The following ROBO1 variants were observed in gnomAD, a reference collection of about 807,000 sequenced individuals.
ROBO1 encodes roundabout homolog 1.
In ROBO1, 149 loss-of-function variants were observed where a neutral mutation model predicts 195.9. The ratio of observed to expected loss-of-function variants is 0.76; its 90% CI spans 0.67 to 0.87. The LOEUF is 0.87. ROBO1 is among the 40% of genes least tolerant of loss of function. The pLI is 0.00. For synonymous variants in ROBO1, 816 were observed against 733.2 expected (o/e 1.11, Z -1.82); for missense variants, 1,933 against 2,068.3 (o/e 0.93, Z 1.27).
intron 1 of ROBO1, among the ~76,000 whole-genome samples, chr3:79,613,484 G>C (rs988218880): frequency 6.6e-6 from 1 of 151,804 alleles, no homozygotes; most frequent in Non-Finnish European, 1.5e-5. Flanking sequence ...AAGAATAAGG[G>C]ACAAAAGCTA....
At chr3:79,213,809 C>A (rs2082005317) in intron 2 of ROBO1, among the ~76,000 whole-genome samples, 1 of 141,962 alleles carries the variant, frequency 7.0e-6, no homozygotes, top group Middle Eastern at 3.6e-3. Context: ...AAATAACTCT[C>A]CCCTTTCTTT....
chr3:79,665,299 GT>G (rs1946444151), intron 1 of ROBO1, among the ~76,000 whole-genome samples: 1 of 151,648 alleles, frequency 6.6e-6, no homozygotes, highest in Non-Finnish European at 1.5e-5. Context: ...TTAATACTTG[GT>G]TTTGATATGG....
chr3:79,655,340 A>G (rs1328424929), intron 1 of ROBO1, among the ~76,000 whole-genome samples: 1 of 152,016 alleles, frequency 6.6e-6, no homozygotes, highest in Non-Finnish European at 1.5e-5. Context: ...ATGGCATACC[A>G]CTGTTAAGCA....
chr3:78,836,519 A>AAAAAAAG (rs2032740209), intron 4 of ROBO1, among the ~76,000 whole-genome samples: 1 of 151,700 alleles, frequency 6.6e-6, no homozygotes, highest in Non-Finnish European at 1.5e-5. Flanking sequence ...CTCCAAAAAA[A>AAAAAAAG]AAAATTATTC....
At chr3:78,624,221 T>C (rs1575794416) in intron 26 of ROBO1, among the ~76,000 whole-genome samples, 2 of 152,276 alleles carry the variant, frequency 1.3e-5, no homozygotes, top group Middle Eastern at 6.8e-3. Flanking sequence ...TTTATTGAGG[T>C]CTTCACAGTG....
At chr3:79,252,655 G>A (rs1036529992) in intron 2 of ROBO1, among the ~76,000 whole-genome samples, 15 of 152,076 alleles carry the variant, frequency 9.9e-5, no homozygotes, top group African/African-American at 3.6e-4. Flanking sequence ...ATAGCAGCCA[G>A]CATTTATTCA....
chr3:79,014,092 T>G (rs1413192065), intron 3 of ROBO1, among the ~76,000 whole-genome samples: 1 of 152,232 alleles, frequency 6.6e-6, no homozygotes, highest in Non-Finnish European at 1.5e-5. Flanking sequence ...TTGCTTTTTT[T>G]GTTGTTTTAA....
At chr3:79,600,837 A>C (rs922749898) in intron 1 of ROBO1, among the ~76,000 whole-genome samples, 2 of 152,032 alleles carry the variant, frequency 1.3e-5, no homozygotes, top group African/African-American at 4.8e-5. Context: ...AAAAACATGA[A>C]TATACCAAAA....
At chr3:79,675,156 T>C (rs1946747674) in intron 1 of ROBO1, among the ~76,000 whole-genome samples, 1 of 151,920 alleles carries the variant, frequency 6.6e-6, no homozygotes, top group South Asian at 2.1e-4. Context: ...GTGCATTTGG[T>C]CATTAGAATA....
At chr3:79,720,849 G>A (rs1431891843) in intron 1 of ROBO1, among the ~76,000 whole-genome samples, 1 of 149,854 alleles carries the variant, frequency 6.7e-6, no homozygotes, top group Non-Finnish European at 1.5e-5. Flanking sequence ...CTGGAGTGCA[G>A]TGGTGCGATC....
intron 4 of ROBO1, among the ~76,000 whole-genome samples, chr3:78,933,897 A>G (rs2039663595): frequency 6.6e-6 from 1 of 152,032 alleles, no homozygotes; most frequent in Non-Finnish European, 1.5e-5. Flanking sequence ...CCACATGATC[A>G]ATTTCAAGAT....
chr3:79,408,241 A>AT (rs1473946471), intron 2 of ROBO1, among the ~76,000 whole-genome samples: 4 of 151,704 alleles, frequency 2.6e-5, no homozygotes, highest in East Asian at 1.9e-4. Context: ...AAAATAAAAA[A>AT]AATTAAAAAA....
intron 2 of ROBO1, among the ~76,000 whole-genome samples, chr3:79,179,720 T>C (rs1384240288): frequency 6.6e-6 from 1 of 152,222 alleles, no homozygotes; most frequent in Non-Finnish European, 1.5e-5. Context: ...TGAAGCTTGT[T>C]TCAGACACTG....
At chr3:78,680,253 A>G (rs2080862322) in intron 10 of ROBO1, among the ~76,000 whole-genome samples, 2 of 152,208 alleles carry the variant, frequency 1.3e-5, no homozygotes, top group African/African-American at 4.8e-5. Flanking sequence ...AGGCATTACC[A>G]TTCAGGACAT....
At chr3:79,148,823 AATTAG>A (rs1263305395) in intron 2 of ROBO1, among the ~76,000 whole-genome samples, 13 of 151,972 alleles carry the variant, frequency 8.6e-5, no homozygotes, top group Admixed American at 8.5e-4. Flanking sequence ...AAGAATGATC[AATTAG>A]ATTAGCTGTA....
chr3:79,448,087 T>G (rs1559906877), intron 2 of ROBO1, among the ~76,000 whole-genome samples: 2 of 152,214 alleles, frequency 1.3e-5, no homozygotes, highest in Admixed American at 1.3e-4. Context: ...TAAGCAACCT[T>G]ACAAATAATA....
intron 14 of ROBO1, 129 bp from the exon 15 acceptor site, chr3:78,662,243 G>T: frequency 1.8e-6 from 1 of 555,622 alleles, no homozygotes; most frequent in Non-Finnish European, 2.6e-6. Flanking sequence ...GCTGTGATTC[G>T]GAAAAAAAAA....
intron 2 of ROBO1, among the ~76,000 whole-genome samples, chr3:79,350,553 C>T (rs548988106): frequency 3.9e-5 from 6 of 152,208 alleles, no homozygotes; most frequent in African/African-American, 1.4e-4. Flanking sequence ...TGTCCATCAA[C>T]TGATGAATGG....
At chr3:78,850,423 G>A (rs2033980332) in intron 4 of ROBO1, among the ~76,000 whole-genome samples, 1 of 151,928 alleles carries the variant, frequency 6.6e-6, no homozygotes, top group African/African-American at 2.4e-5. Flanking sequence ...TAATAACAAA[G>A]GGATAAAGCA....
Sources: gnomAD v4.1 joint callset for allele counts (sites outside exome capture counted in the v4.1 genomes callset) on GRCh38, gnomAD v4.1.1 for gene constraint, MANE v1.5 for transcripts, NCBI Gene and HGNC (gene_info 2026-07-23, HGNC 2026-07-21) for gene names.